Variants in SERPINI1 observed in about 807,000 individuals in gnomAD.
The protein encoded by SERPINI1 is serpin family I member 1, also known as neuroserpin.
Under a neutral mutation model 41.1 loss-of-function variants are expected in SERPINI1, and 19 were observed. That is an observed-to-expected ratio of 0.46 (90% CI 0.32 to 0.68). SERPINI1 has a LOEUF of 0.68. Among genes scored for constraint, SERPINI1 ranks in the 30% least tolerant of loss-of-function variants. The pLI, the probability that SERPINI1 is intolerant of heterozygous loss-of-function variation, is 0.03. For missense variants in SERPINI1, 460 were observed against 479.2 expected (o/e 0.96, Z 0.37); for synonymous variants, 138 against 156.6 (o/e 0.88, Z 0.89).
intron 6 of SERPINI1, among the ~76,000 whole-genome samples, chr3:167,821,150 C>T (rs1712311149): frequency 6.6e-6 from 1 of 152,198 alleles, no homozygotes; most frequent in South Asian, 2.1e-4. Context: ...CTACATGCCT[C>T]ATTCTTCCTG....
chr3:167,748,508 G>A (rs1725934818), intron 1 of SERPINI1, among the ~76,000 whole-genome samples: 1 of 152,166 alleles, frequency 6.6e-6, no homozygotes, highest in African/African-American at 2.4e-5. Context: ...TGTAAACATG[G>A]CCTTTGGTGC....
At chr3:167,744,782 CTA>C (rs1002951899) in intron 1 of SERPINI1, among the ~76,000 whole-genome samples, 12 of 94,314 alleles carry the variant, frequency 1.3e-4, no homozygotes, top group African/African-American at 2.3e-4. Context: ...TTATATATAA[CTA>C]TGGTTATATA....
intron 1 of SERPINI1, among the ~76,000 whole-genome samples, chr3:167,755,794 ATTTTTTT>A (rs34182780): frequency 2.5e-4 from 30 of 119,208 alleles, no homozygotes; most frequent in African/African-American, 9.8e-4. Context: ...GGTGTTGCTG[ATTTTTTT>A]TTTTTTTTTT....
chr3:167,777,291 A>T (rs758407151), intron 1 of SERPINI1, among the ~76,000 whole-genome samples: 7 of 152,052 alleles, frequency 4.6e-5, no homozygotes, highest in South Asian at 4.1e-4. Context: ...CATCTTTGAC[A>T]ATGTCATATT....
intron 1 of SERPINI1, among the ~76,000 whole-genome samples, chr3:167,772,864 C>CTATATATATATATATATATATATA (rs1161668820): frequency 4.1e-5 from 1 of 24,666 alleles, no homozygotes; most frequent in Non-Finnish European, 6.5e-5. Flanking sequence ...CTCTCTCTCT[C>CTATATATATATATATATATATATA]TATATATATA....
chr3:167,744,583 A>T (rs1179821221), intron 1 of SERPINI1, among the ~76,000 whole-genome samples: 1 of 143,812 alleles, frequency 7.0e-6, no homozygotes, highest in Non-Finnish European at 1.5e-5. Context: ...TATAGTTAAT[A>T]TTTTAACTAT....
chr3:167,744,788 TTATATATA>T (rs139553677), intron 1 of SERPINI1, among the ~76,000 whole-genome samples: 9 of 120,286 alleles, frequency 7.5e-5, no homozygotes, highest in African/African-American at 2.9e-4. Context: ...ATAACTATGG[TTATATATA>T]TATATAATAT....
intron 1 of SERPINI1, among the ~76,000 whole-genome samples, chr3:167,780,654 A>G (rs1727093702): frequency 6.6e-6 from 1 of 152,180 alleles, no homozygotes; most frequent in African/African-American, 2.4e-5. Flanking sequence ...TTATTTTACA[A>G]GAGAATCACT....
intron 5 of SERPINI1, among the ~76,000 whole-genome samples, chr3:167,801,973 A>G (rs909578023): frequency 6.6e-6 from 1 of 152,154 alleles, no homozygotes; most frequent in East Asian, 1.9e-4. Flanking sequence ...ATAATGCCGC[A>G]TATCTACAAC....
chr3:167,745,605 A>G (rs745489451), intron 1 of SERPINI1, among the ~76,000 whole-genome samples: 2 of 152,062 alleles, frequency 1.3e-5, no homozygotes, highest in African/African-American at 4.8e-5. Context: ...CTCCCATACT[A>G]GAAAGGAAGA....
chr3:167,759,532 C>G (rs1244360783), intron 1 of SERPINI1, among the ~76,000 whole-genome samples: 2 of 151,762 alleles, frequency 1.3e-5, no homozygotes, highest in Non-Finnish European at 2.9e-5. Flanking sequence ...CTCAAAAAAT[C>G]AGATACCAAA....
intron 1 of SERPINI1, among the ~76,000 whole-genome samples, chr3:167,784,670 A>C (rs1360607389): frequency 1.3e-5 from 2 of 152,098 alleles, no homozygotes; most frequent in African/African-American, 4.8e-5. Flanking sequence ...ATGCTTATAA[A>C]ACCATCAGAT....
intron 1 of SERPINI1, among the ~76,000 whole-genome samples, chr3:167,739,865 T>C (rs1725616559): frequency 6.6e-6 from 1 of 152,222 alleles, no homozygotes; most frequent in Non-Finnish European, 1.5e-5. Context: ...TTTACTTCAT[T>C]ATGATAAGAC....
intron 5 of SERPINI1, among the ~76,000 whole-genome samples, chr3:167,805,191 A>G (rs1711586412): frequency 6.6e-6 from 1 of 152,114 alleles, no homozygotes. Flanking sequence ...CTATTTCTCC[A>G]CAGCCTCGCT....
intron 1 of SERPINI1, among the ~76,000 whole-genome samples, chr3:167,772,263 G>C (rs1040279024): frequency 1.3e-5 from 2 of 152,098 alleles, no homozygotes; most frequent in African/African-American, 4.8e-5. Flanking sequence ...TTTTATGGGA[G>C]GAACTTCTCC....
chr3:167,768,382 A>T (rs143222673), intron 1 of SERPINI1, among the ~76,000 whole-genome samples: 55 of 152,332 alleles, frequency 3.6e-4, no homozygotes, highest in African/African-American at 1.2e-3. Context: ...CATAACTTTT[A>T]TATACAGTGG....
chr3:167,783,340 GAA>G (rs1727203456), intron 1 of SERPINI1, among the ~76,000 whole-genome samples: 1 of 152,052 alleles, frequency 6.6e-6, no homozygotes, highest in South Asian at 2.1e-4. Flanking sequence ...GACATTGAAA[GAA>G]AAAAGAGTAG....
At chr3:167,795,833 T>G (rs971430034) in intron 5 of SERPINI1, among the ~76,000 whole-genome samples, 2 of 152,154 alleles carry the variant, frequency 1.3e-5, no homozygotes, top group African/African-American at 4.8e-5. Context: ...CTTGAATACC[T>G]TAAAACCTAG....
intron 1 of SERPINI1, among the ~76,000 whole-genome samples, chr3:167,750,194 C>T (rs527453719): frequency 6.6e-6 from 1 of 152,130 alleles, no homozygotes; most frequent in South Asian, 2.1e-4. Context: ...GAAACCAAAG[C>T]TTTGCTTTTT....
Sources: gnomAD v4.1 joint callset for allele counts (sites outside exome capture counted in the v4.1 genomes callset) on GRCh38, gnomAD v4.1.1 for gene constraint, MANE v1.5 for transcripts, NCBI Gene and HGNC (gene_info 2026-07-23, HGNC 2026-07-21) for gene names.